Variants in PTK2B observed in about 807,000 individuals in gnomAD.
PTK2B encodes the protein protein tyrosine kinase 2 beta.
Under a neutral mutation model 142.9 loss-of-function variants are expected in PTK2B, and 71 were observed. The observed-to-expected ratio is 0.50, with a 90% CI of 0.41 to 0.61. The LOEUF (loss-of-function observed/expected upper bound fraction) is 0.61. PTK2B is among the 20% of genes least tolerant of loss of function. PTK2B has a pLI of 0.00. For missense variants in PTK2B, 1,105 were observed against 1,320.4 expected, an observed-to-expected ratio of 0.84 and a Z score of 2.53; for synonymous variants, 519 against 503.4, an observed-to-expected ratio of 1.03 and a Z score of -0.42.
At chr8:27,401,613 G>C (rs545780523) in intron 2 of PTK2B, among the ~76,000 whole-genome samples, 2 of 152,210 alleles carry the variant, frequency 1.3e-5, no homozygotes, top group South Asian at 4.1e-4. Flanking sequence ...GCACATAGCG[G>C]GTTTGAGACT....
intron 30 of PTK2B, among the ~76,000 whole-genome samples, chr8:27,456,404 C>T (rs912690889): frequency 2.6e-5 from 4 of 152,094 alleles, no homozygotes; most frequent in African/African-American, 7.2e-5. Flanking sequence ...TGGTGATCAG[C>T]GATGTTAGTA....
chr8:27,369,619 G>A (rs778346868), intron 1 of PTK2B, among the ~76,000 whole-genome samples: 8 of 152,112 alleles, frequency 5.3e-5, no homozygotes, highest in African/African-American at 9.7e-5. Flanking sequence ...GCAGTGAGCC[G>A]AGATCGTGCC....
chr8:27,383,852 A>ATTTTTTTTTTTTT lies in PTK2B; in HGVS notation c.-37-13695_-37-13683dup, dbSNP rs749255419. Among the ~76,000 whole-genome samples the ATTTTTTTTTTTTT allele has an allele frequency of 2.3e-3, 273 of 116,552 alleles. 12 individuals carry two copies. Among genetic ancestry groups the ATTTTTTTTTTTTT allele is most frequent in the African/African-American group, 7.3e-3 (240 of 32,998 alleles). The allele number at this position is 116,552 out of a possible 152,430, so 76.5% of individuals were successfully genotyped here. ...AGGTGTGCACCACCACACCTGGCTA[A>ATTTTTTTTTTTTT]TTTTTTTTTTTTTGAGACAGAGTTT... On this transcript the variant is annotated intron_variant, in intron 1 of 30. Transcript: ENST00000346049.
intron 15 of PTK2B, among the ~76,000 whole-genome samples, chr8:27,436,821 G>T (rs925232580): frequency 6.6e-6 from 1 of 152,208 alleles, no homozygotes; most frequent in Admixed American, 6.5e-5. Flanking sequence ...ATAATGGCTT[G>T]CAGGTGCCTC....
intron 1 of PTK2B, among the ~76,000 whole-genome samples, chr8:27,384,189 G>A (rs1489187184): frequency 1.3e-5 from 2 of 151,918 alleles, no homozygotes; most frequent in Admixed American, 6.6e-5. Context: ...TAGAAACATG[G>A]TCTCCCTATT....
intron 1 of PTK2B, among the ~76,000 whole-genome samples, chr8:27,381,585 A>G (rs1429422630): frequency 2.0e-5 from 3 of 152,212 alleles, no homozygotes; most frequent in Non-Finnish European, 4.4e-5. Flanking sequence ...TGTTTTGGCT[A>G]TTGTGAGTAG....
At position 27,413,659 on chromosome 8, in the gene PTK2B, C is replaced by T. The variant is rs114291340; in HGVS notation, c.205-6236C>T. Among the ~76,000 whole-genome samples, 505 of 152,290 alleles carry T rather than the reference C, an allele frequency of 3.3e-3. 9 individuals are homozygous for T. Among genetic ancestry groups the T allele is most frequent in the African/African-American group, 0.012 (483 of 41,568 alleles). ...TGCTTACCTGCTGCACCACTAGGGACGTAAACCATGATGATCGGTTGTTTG... is the reference window on the plus strand; with the variant it reads ...TGCTTACCTGCTGCACCACTAGGGATGTAAACCATGATGATCGGTTGTTTG... On this transcript the variant is annotated intron_variant, in intron 2 of 30. Transcript: ENST00000346049.
chr8:27,371,363 TC>T, intron 1 of PTK2B, among the ~76,000 whole-genome samples: 1 of 152,124 alleles, frequency 6.6e-6, no homozygotes, highest in Admixed American at 6.5e-5. Context: ...GCCTGGTTCT[TC>T]CATGCACACT....
intron 2 of PTK2B, among the ~76,000 whole-genome samples, chr8:27,406,802 C>T (rs1426686128): frequency 6.6e-6 from 1 of 152,200 alleles, no homozygotes; most frequent in Non-Finnish European, 1.5e-5. Flanking sequence ...ACCATGAATG[C>T]TCTGAACCCA....
chr8:27,333,095 G>A (rs998203246), intron 1 of PTK2B, among the ~76,000 whole-genome samples: 1 of 152,244 alleles, frequency 6.6e-6, no homozygotes, highest in Non-Finnish European at 1.5e-5. Context: ...GACGGCATTT[G>A]GCAAAGCTCT....
chr8:27,450,045 GTTCCTTA>G (rs1440980938), intron 24 of PTK2B, among the ~76,000 whole-genome samples: 6 of 152,110 alleles, frequency 3.9e-5, no homozygotes, highest in Non-Finnish European at 5.9e-5. Flanking sequence ...ATGAAATTTT[GTTCCTTA>G]TTTTATCTCT....
At chr8:27,343,998 G>A (rs147489087) in intron 1 of PTK2B, among the ~76,000 whole-genome samples, 93 of 151,934 alleles carry the variant, frequency 6.1e-4, no homozygotes, top group African/African-American at 1.9e-3. Context: ...GCGAGAATCC[G>A]TCTCAAAAAA....
chr8:27,438,596 T>A (rs1810950991), intron 18 of PTK2B, among the ~76,000 whole-genome samples: 1 of 152,130 alleles, frequency 6.6e-6, no homozygotes, highest in Non-Finnish European at 1.5e-5. Flanking sequence ...TGAGAGAGAA[T>A]ACCTGTGTTC....
chr8:27,440,843 C>A (rs1340974772), intron 21 of PTK2B, among the ~76,000 whole-genome samples: 1 of 152,186 alleles, frequency 6.6e-6, no homozygotes, highest in Non-Finnish European at 1.5e-5. Context: ...GATCTTTGAC[C>A]TGTTTTCAAG....
upstream of PTK2B, among the ~76,000 whole-genome samples, chr8:27,322,018 A>G (rs1803229046): frequency 6.6e-6 from 1 of 151,026 alleles, no homozygotes; most frequent in Non-Finnish European, 1.5e-5. Flanking sequence ...TAAATGGACT[A>G]TCACTCTGTC....
At chr8:27,457,485 T>G (rs1251085323) in intron 30 of PTK2B, among the ~76,000 whole-genome samples, 1 of 152,238 alleles carries the variant, frequency 6.6e-6, no homozygotes, top group African/African-American at 2.4e-5. Context: ...AGAAATACAT[T>G]TCTAAGGCCA....
chr8:27,433,514 G>A lies in PTK2B; in HGVS notation c.1067G>A (p.Gly356Asp). 1.2e-6 allele frequency: 2 copies of A among 1,614,232 alleles called. No homozygotes were observed. The highest frequency in any genetic ancestry group is 2.2e-5 in the South Asian group (2 of 91,092). The stretch of plus-strand genomic sequence containing the variant: ...ATAGACGGCTACTGCCGGCTGCAGG[G>A]TGAGCACCAAGGCTCTCTCATCATC... ...DLIDGYCRLQGEHQGSLIIHP... is the reference protein window; with the variant it reads ...DLIDGYCRLQDEHQGSLIIHP... Residue 356 changes from glycine to aspartate, a missense_variant, in exon 11 of 31, where the codon GGT becomes GAT. Transcript: ENST00000346049.
At chr8:27,403,022 G>A (rs993084999) in intron 2 of PTK2B, among the ~76,000 whole-genome samples, 1 of 152,190 alleles carries the variant, frequency 6.6e-6, no homozygotes, top group African/African-American at 2.4e-5. Flanking sequence ...GTGTCCAGTT[G>A]GGAGTCTAAG....
intron 2 of PTK2B, among the ~76,000 whole-genome samples, chr8:27,419,552 CAGA>C (rs1685096042): frequency 6.6e-6 from 1 of 152,208 alleles, no homozygotes; most frequent in Admixed American, 6.5e-5. Flanking sequence ...GCAAACCACT[CAGA>C]AGGTCTGCTG....
Sources: allele counts gnomAD v4.1 joint callset (sites outside exome capture counted in the v4.1 genomes callset), GRCh38; gene constraint gnomAD v4.1.1; transcripts MANE v1.5; gene names NCBI Gene and HGNC (gene_info 2026-07-23, HGNC 2026-07-21).